The following MOB4 variants were observed in gnomAD, a reference collection of about 807,000 sequenced individuals.
MOB4 encodes the protein MOB family member 4, phocein.
MOB4 carries 4 observed loss-of-function variants against 32.2 expected under a neutral mutation model. The ratio of observed to expected loss-of-function variants is 0.12; its 90% CI spans 0.06 to 0.28. The LOEUF is 0.28. MOB4 is among the 10% of genes least tolerant of loss of function. The pLI is 1.00. For synonymous variants in MOB4, 88 were observed against 88.1 expected (o/e 1.00, Z 0.01); for missense variants, 158 against 271.2 (o/e 0.58, Z 2.93).
At chr2:197,548,215 TA>T in intron 5 of MOB4, 120 bp from the exon 6 acceptor site, 1 of 654,890 alleles carries the variant, frequency 1.5e-6, no homozygotes, top group Non-Finnish European at 2.3e-6. Context: ...TCGGAAATTG[TA>T]AGGAACTTTT....
chr2:197,536,468 G>A (rs2086800425), intron 3 of MOB4, among the ~76,000 whole-genome samples: 1 of 152,128 alleles, frequency 6.6e-6, no homozygotes, highest in Non-Finnish European at 1.5e-5. Context: ...GCCTCCCACA[G>A]TGCTGGGATT....
intron 1 of MOB4, among the ~76,000 whole-genome samples, chr2:197,521,286 A>G (rs932113659): frequency 2.6e-5 from 4 of 152,162 alleles, no homozygotes; most frequent in Non-Finnish European, 4.4e-5. Context: ...AAAACCGGCA[A>G]GTTTTTATTA....
intron 1 of MOB4, among the ~76,000 whole-genome samples, chr2:197,520,640 G>C (rs1281629759): frequency 6.6e-6 from 1 of 152,056 alleles, no homozygotes; most frequent in East Asian, 1.9e-4. Context: ...ACCCACTGAG[G>C]TTACATAGGT....
intron 5 of MOB4, among the ~76,000 whole-genome samples, chr2:197,544,567 C>G (rs914340558): frequency 1.3e-5 from 2 of 152,094 alleles, no homozygotes; most frequent in Admixed American, 1.3e-4. Flanking sequence ...TCCTGGCTAA[C>G]ACGGTGAAAC....
At chr2:197,528,026 A>G (rs1019060391) in intron 2 of MOB4, among the ~76,000 whole-genome samples, 2 of 152,060 alleles carry the variant, frequency 1.3e-5, no homozygotes, top group South Asian at 4.1e-4. Context: ...ATGATTTGAC[A>G]TACCTATATA....
intron 1 of MOB4, among the ~76,000 whole-genome samples, chr2:197,518,226 AC>A (rs2086449973): frequency 6.6e-6 from 1 of 151,880 alleles, no homozygotes; most frequent in African/African-American, 2.4e-5. Flanking sequence ...GAATATAGGC[AC>A]ATAGTTGGTT....
At chr2:197,542,401 A>G (rs2086911446) in intron 5 of MOB4, among the ~76,000 whole-genome samples, 1 of 152,218 alleles carries the variant, frequency 6.6e-6, no homozygotes, top group Non-Finnish European at 1.5e-5. Flanking sequence ...TTGAAAGGAC[A>G]CTTTCTGAAC....
intron 2 of MOB4, among the ~76,000 whole-genome samples, chr2:197,534,646 G>A (rs774526706): frequency 6.6e-6 from 1 of 152,260 alleles, no homozygotes; most frequent in Admixed American, 6.5e-5. Context: ...GGGTCCAAGC[G>A]ATTCTCTTGC....
chr2:197,546,822 A>T (rs2087002534), intron 5 of MOB4, among the ~76,000 whole-genome samples: 1 of 152,200 alleles, frequency 6.6e-6, no homozygotes, highest in Non-Finnish European at 1.5e-5. Flanking sequence ...GACTCCCCCA[A>T]AACTTAATTA....
Position 197,539,211 on chromosome 2 carries a change from C to G in MOB4, c.225-900C>G, listed in dbSNP as rs184609533. On this transcript the variant is annotated intron_variant, in intron 3 of 7. Coordinates refer to ENST00000323303, the MANE Select transcript of MOB4 (RefSeq NM_015387.5). ...TAATAGGTAGGACTTTAGGAGGGAA[C>G]ACGTTCAGTGTTTTGACAGCTGTAA... 5.0e-4 allele frequency among the ~76,000 whole-genome samples: 76 copies of G among 152,072 alleles called. 2 individuals carry two copies. In the South Asian group the frequency reaches 8.3e-3, roughly 17 times the overall value.
At chr2:197,543,459 A>C (rs373352206) in intron 5 of MOB4, among the ~76,000 whole-genome samples, 1 of 152,038 alleles carries the variant, frequency 6.6e-6, no homozygotes, top group Admixed American at 6.6e-5. Flanking sequence ...AAAAAAAAAA[A>C]CCACCGTGAG....
chr2:197,550,928 T>C lies in MOB4; in HGVS notation c.*282T>C, dbSNP rs1177566585. ...GTTTGGTAAAATTGCTGCTAAACAA[T>C]CATTGGATCACAATCCTCATCAGAC... On this transcript the variant is annotated 3_prime_UTR_variant, in exon 8 of 8. Transcript: ENST00000323303. The C allele has an allele frequency of 1.1e-5, 2 of 177,244 alleles. No homozygotes were observed. The highest frequency in any genetic ancestry group is 4.7e-5 in the African/African-American group (2 of 42,432). 11.0% of individuals were successfully genotyped at this position (177,244 alleles called of 1,614,324 possible).
intron 1 of MOB4, 127 bp downstream of exon 1, chr2:197,516,273 GC>G: frequency 6.8e-7 from 1 of 1,465,322 alleles, no homozygotes; most frequent in Admixed American, 2.9e-5. Context: ...CTGGTGCCCG[GC>G]CTGCTCTTCC....
At chr2:197,532,416 G>A (rs1234338311) in intron 2 of MOB4, among the ~76,000 whole-genome samples, 2 of 152,188 alleles carry the variant, frequency 1.3e-5, no homozygotes, top group Non-Finnish European at 2.9e-5. Flanking sequence ...GTTCATGCCT[G>A]TAATTCCAGT....
At position 197,523,620 on chromosome 2, in the gene MOB4, A is replaced by G; in HGVS notation, c.61-4A>G. ...GTGCTTTAACCGTGAATTTATTTTT[A>G]TAGGATTTCTATAATTGGCCTGATG... On this transcript the variant is annotated splice_polypyrimidine_tract_variant and splice_region_variant and intron_variant, in intron 1 of 7. Coordinates refer to ENST00000323303, the MANE Select transcript of MOB4 (RefSeq NM_015387.5). 3.1e-6 allele frequency: 5 copies of G among 1,607,932 alleles called. No individual in the cohort carries two copies. Among genetic ancestry groups the G allele is most frequent in the Non-Finnish European group, 3.4e-6 (4 of 1,178,480 alleles).
chr2:197,523,586 A>G (rs370712205), intron 1 of MOB4, 38 bp from the exon 2 acceptor site: 15 of 1,588,280 alleles, frequency 9.4e-6, no homozygotes, highest in Non-Finnish European at 8.6e-7. Flanking sequence ...TCATAATAGT[A>G]TTTTGTATGT....
intron 3 of MOB4, among the ~76,000 whole-genome samples, chr2:197,536,759 A>G (rs6713113): frequency 0.71 from 106,931 of 151,452 alleles, 38,485 homozygotes; most frequent in Middle Eastern, 0.87. Context: ...AGCCATGCCC[A>G]GCTAATTTTT....
chr2:197,549,327 C>T (rs958645140), intron 6 of MOB4, among the ~76,000 whole-genome samples: 9 of 152,096 alleles, frequency 5.9e-5, no homozygotes, highest in African/African-American at 1.9e-4. Flanking sequence ...AATATATTAT[C>T]GGTGAAGTTT....
At chr2:197,526,293 A>G (rs1293013134) in intron 2 of MOB4, among the ~76,000 whole-genome samples, 1 of 152,008 alleles carries the variant, frequency 6.6e-6, no homozygotes, top group Non-Finnish European at 1.5e-5. Context: ...TATTGAGATG[A>G]TCATGTGTTT....
Sources: gnomAD v4.1 joint callset for allele counts (sites outside exome capture counted in the v4.1 genomes callset) on GRCh38, gnomAD v4.1.1 for gene constraint, MANE v1.5 for transcripts, NCBI Gene and HGNC (gene_info 2026-07-23, HGNC 2026-07-21) for gene names.